Variants in IFITM2 observed in about 807,000 individuals in gnomAD.
IFITM2 encodes the protein interferon induced transmembrane protein 2.
Under a neutral mutation model 5.9 loss-of-function variants are expected in IFITM2, and 3 were observed. That is an observed-to-expected ratio of 0.51 (90% CI 0.23 to 1.32). The LOEUF is 1.32. Among genes scored for constraint, IFITM2 ranks in the 40% most tolerant of loss-of-function variants. IFITM2 has a pLI of 0.18. For synonymous variants in IFITM2, 76 were observed against 72.4 expected, an observed-to-expected ratio of 1.05 and a Z score of -0.25; for missense variants, 159 against 175.9, an observed-to-expected ratio of 0.90 and a Z score of 0.54.
intron 1 of IFITM2, chr11:308,746 A>G: frequency 2.8e-6 from 2 of 715,626 alleles, no homozygotes; most frequent in Non-Finnish European, 5.1e-6. Context: ...TTACACCTTC[A>G]CCTTCCAGAC....
At chr11:308,639 T>G (rs1484933627) in intron 1 of IFITM2, 1 of 900,336 alleles carries the variant, frequency 1.1e-6, no homozygotes. Flanking sequence ...CCAGTGCAGG[T>G]CTAGGAGGAG....
In IFITM2 at chr11:308,359, A is replaced by G. The variant is rs768427422; in HGVS notation, c.167A>G (p.His56Arg). 12 of 1,613,410 alleles carry G rather than the reference A, an allele frequency of 7.4e-6. No individual in the cohort carries two copies. The highest frequency in any genetic ancestry group is 1.1e-5 in the South Asian group (1 of 91,034). ...HIRSETSVPDHVVWSLFNTLF... is the reference protein window; with the variant it reads ...HIRSETSVPDRVVWSLFNTLF... ...CGCAGCGAGACCTCCGTGCCTGACC[A>G]TGTGGTCTGGTCCCTGTTCAACACC... is the stretch of plus-strand genomic sequence containing the variant. The change falls in exon 1 of 2, where the codon CAT (histidine) becomes CGT (arginine). Residue 56 changes from histidine (H) to arginine (R), a missense_variant. Transcript: ENST00000616316.
At position 308,263 on chromosome 11, in the gene IFITM2, A is replaced by T; in HGVS notation, c.71A>T (p.Glu24Val). Residue 24 changes from glutamate (E) to valine (V), a missense_variant, in exon 1 of 2, where the codon GAG becomes GTG. Coordinates refer to ENST00000616316, the MANE Select transcript of IFITM2 (RefSeq NM_006435.3). Reference sequence around the variant, plus strand: ...CCTCCCAACTACGAGATGCTCAAGGAGGAGCAGGAAGTGGCTATGCTGGGG... The same window carrying T: ...CCTCCCAACTACGAGATGCTCAAGGTGGAGCAGGAAGTGGCTATGCTGGGG... ...GQPPNYEMLKEEQEVAMLGVP... is the reference protein window; with the variant it reads ...GQPPNYEMLKVEQEVAMLGVP... 1 of 1,614,098 alleles carries T rather than the reference A, an allele frequency of 6.2e-7. No individual in the cohort carries two copies. The highest frequency in any genetic ancestry group is 8.5e-7 in the Non-Finnish European group (1 of 1,180,010).
intron 1 of IFITM2, 48 bp downstream of exon 1, chr11:308,486 G>C (rs770727857): frequency 1.9e-6 from 3 of 1,607,228 alleles, no homozygotes; most frequent in Non-Finnish European, 2.6e-6. Context: ...TGAGCCTGGG[G>C]CTCCACCTGC....
chr11:309,308 C>T lies in IFITM2; in HGVS notation c.*143C>T. 1 of 1,562,218 alleles carries T rather than the reference C, an allele frequency of 6.4e-7. No homozygotes were observed. Among genetic ancestry groups the T allele is most frequent in the East Asian group, 2.4e-5 (1 of 42,478 alleles). On this transcript the variant is annotated 3_prime_UTR_variant, in exon 2 of 2. Coordinates refer to ENST00000616316, the MANE Select transcript of IFITM2 (RefSeq NM_006435.3). ...ACTTACTCCACCTTCCATTCCTCGC[C>T]CTGTCCCCACAGCCGAGTCCTGCAT...
In IFITM2 at chr11:309,204, A is replaced by T; in HGVS notation, c.*39A>T. On this transcript the variant is annotated 3_prime_UTR_variant, in exon 2 of 2. Transcript: ENST00000616316. ...ATTGAGGCCAGGAGCTCTGCCCGTG[A>T]CCTGTATCCCACGTACTCTATCTTC... 1 of 1,613,890 alleles carries T rather than the reference A, an allele frequency of 6.2e-7. No homozygotes were observed. The highest frequency in any genetic ancestry group is 8.5e-7 in the Non-Finnish European group (1 of 1,179,928).
rs760478262 is a variant in IFITM2, at chr11:308,289, GT to G, written c.98del (p.Val33GlyfsTer12). ...GGAGCAGGAAGTGGCTATGCTGGGG[GT>G]GCCCCACAACCCTGCTCCCCCGATG... ...KEEQEVAMLGVPHNPAPPMST... is the reference protein window; with the variant it reads ...KEEQEVAMLGXPHNPAPPMST... On this transcript the variant is annotated frameshift_variant, in exon 1 of 2. Coordinates refer to ENST00000616316, the MANE Select transcript of IFITM2 (RefSeq NM_006435.3). LOFTEE classifies it high-confidence loss of function. The G allele has an allele frequency of 3.2e-5, 51 of 1,613,878 alleles. No homozygotes were observed. In the African/African-American group the frequency reaches 6.0e-4, roughly 19 times the overall value.
At position 309,039 on chromosome 11, in the gene IFITM2, C is replaced by T. The variant is rs531291011; in HGVS notation, c.273C>T (p.Asp91=). ...CTAGGGACAGGAAGATGGTTGGCGACGTGACCGGGGCCCAGGCCTATGCCT... is the reference window on the plus strand; with the variant it reads ...CTAGGGACAGGAAGATGGTTGGCGATGTGACCGGGGCCCAGGCCTATGCCT... ...VKSRDRKMVG[D]VTGAQAYAST... The change falls in exon 2 of 2, where the codon GAC becomes GAT. Residue 91 remains aspartate (D), a synonymous_variant. Transcript: ENST00000616316. The T allele has an allele frequency of 1.2e-5, 19 of 1,614,114 alleles. No individual in the cohort carries two copies. The South Asian group carries it at 1.4e-4, about 12-fold the overall frequency.
intron 1 of IFITM2, chr11:308,738 A>T: frequency 2.8e-6 from 2 of 715,552 alleles, no homozygotes; most frequent in Non-Finnish European, 5.1e-6. Flanking sequence ...GTAAGAAATT[A>T]CACCTTCACC....
chr11:308,762 C>G (rs1564848681), intron 1 of IFITM2: 1 of 718,440 alleles, frequency 1.4e-6, no homozygotes, highest in South Asian at 1.5e-5. Context: ...CAGACTGGCA[C>G]CCAGGCTCTC....
In IFITM2 at chr11:308,075, T is replaced by C. The variant is rs113928911; in HGVS notation, c.-118T>C. ...AATTTGTTCTGCCCTTATCTGGCCC[T>C]GGCCAGCTCTGCATTTGACAAATGC... On this transcript the variant is annotated 5_prime_UTR_variant, in exon 1 of 2. Coordinates refer to ENST00000616316, the MANE Select transcript of IFITM2 (RefSeq NM_006435.3). The C allele has an allele frequency of 1.9e-3, 2,670 of 1,387,092 alleles. 25 individuals are homozygous for C. In the African/African-American group the frequency reaches 0.024, roughly 12 times the overall value. 85.9% of individuals were successfully genotyped at this position (1,387,092 alleles called of 1,614,324 possible).
Position 309,185 on chromosome 11 carries a change from G to T in IFITM2, c.*20G>T. On this transcript the variant is annotated 3_prime_UTR_variant, in exon 2 of 2. Coordinates refer to ENST00000616316, the MANE Select transcript of IFITM2 (RefSeq NM_006435.3). ...CGATAGATCAGGAGGCATCATTGAGGCCAGGAGCTCTGCCCGTGACCTGTA... is the reference window on the plus strand; with the variant it reads ...CGATAGATCAGGAGGCATCATTGAGTCCAGGAGCTCTGCCCGTGACCTGTA... 1 of 1,614,086 alleles carries T rather than the reference G, an allele frequency of 6.2e-7. No homozygotes were observed. The highest frequency in any genetic ancestry group is 8.5e-7 in the Non-Finnish European group (1 of 1,179,992).
In IFITM2 at chr11:309,087, C is replaced by G. The variant is rs1347072366; in HGVS notation, c.321C>G (p.Ile107Met). The G allele has an allele frequency of 1.9e-6, 3 of 1,614,138 alleles. No individual in the cohort carries two copies. In the African/African-American group the frequency reaches 4.0e-5, roughly 22 times the overall value. The change falls in exon 2 of 2, where the codon ATC (isoleucine) becomes ATG (methionine). Residue 107 changes from isoleucine (I) to methionine (M), a missense_variant. Coordinates refer to ENST00000616316, the MANE Select transcript of IFITM2 (RefSeq NM_006435.3). ...AYASTAKCLN[I>M]WALILGIFMT... is the part of the protein sequence containing the mutation. ...CCTCCACCGCCAAGTGCCTGAACATCTGGGCCCTGATTTTGGGCATCTTCA... is the reference window on the plus strand; with the variant it reads ...CCTCCACCGCCAAGTGCCTGAACATGTGGGCCCTGATTTTGGGCATCTTCA...
Position 309,218 on chromosome 11 carries a change from T to C in IFITM2, c.*53T>C. 6.2e-7 allele frequency: 1 copy of C among 1,613,850 alleles called. No individual in the cohort carries two copies. The highest frequency in any genetic ancestry group is 8.5e-7 in the Non-Finnish European group (1 of 1,179,948). ...CTCTGCCCGTGACCTGTATCCCACG[T>C]ACTCTATCTTCCATTCCTCGCCCTG... On this transcript the variant is annotated 3_prime_UTR_variant, in exon 2 of 2. Coordinates refer to ENST00000616316, the MANE Select transcript of IFITM2 (RefSeq NM_006435.3).
At position 308,089 on chromosome 11, in the gene IFITM2, T is replaced by C. The variant is rs1845986078; in HGVS notation, c.-104T>C. On this transcript the variant is annotated 5_prime_UTR_variant, in exon 1 of 2. Coordinates refer to ENST00000616316, the MANE Select transcript of IFITM2 (RefSeq NM_006435.3). ...TTATCTGGCCCTGGCCAGCTCTGCA[T>C]TTGACAAATGCCAGGAAGAGGAAAC... is the stretch of plus-strand genomic sequence containing the variant. 3 of 1,488,358 alleles carry C rather than the reference T, an allele frequency of 2.0e-6. No individual in the cohort carries two copies. Among genetic ancestry groups the C allele is most frequent in the Non-Finnish European group, 2.8e-6 (3 of 1,087,250 alleles). 92.2% of individuals were successfully genotyped at this position (1,488,358 alleles called of 1,614,324 possible).
Position 309,150 on chromosome 11 carries a change from C to T in IFITM2, c.384C>T (p.Val128=), listed in dbSNP as rs369281868. 16 of 1,614,102 alleles carry T rather than the reference C, an allele frequency of 9.9e-6. No individual in the cohort carries two copies. The highest frequency in any genetic ancestry group is 1.3e-5 in the Non-Finnish European group (15 of 1,180,038). ...ILLIIIPVLV[V]QAQR ...TCATCATCATCCCAGTGTTGGTCGTCCAGGCCCAGCGATAGATCAGGAGGC... is the reference window on the plus strand; with the variant it reads ...TCATCATCATCCCAGTGTTGGTCGTTCAGGCCCAGCGATAGATCAGGAGGC... The change falls in exon 2 of 2, where the codon GTC becomes GTT. Residue 128 remains valine (V), a synonymous_variant. Coordinates refer to ENST00000616316, the MANE Select transcript of IFITM2 (RefSeq NM_006435.3).
rs543470336 is a variant in IFITM2 at position 307,928 on chromosome 11, G to T, written c.-265G>T. On this transcript the variant is annotated 5_prime_UTR_variant, in exon 1 of 2. Coordinates refer to ENST00000616316, the MANE Select transcript of IFITM2 (RefSeq NM_006435.3). Reference sequence around the variant, plus strand: ...TGTGGAGACTCCCAACACAGGGGAAGTCTCCAGGACCCCACACCACTAACA... The same window carrying T: ...TGTGGAGACTCCCAACACAGGGGAATTCTCCAGGACCCCACACCACTAACA... 38 of 328,488 alleles carry T rather than the reference G, an allele frequency of 1.2e-4. No individual in the cohort carries two copies. The African/African-American group carries it at 1.2e-3, about 11-fold the overall frequency. The allele number at this position is 328,488 out of a possible 1,614,324, so 20.3% of individuals were successfully genotyped here. A position where few individuals can be genotyped will look rare whatever the true frequency, so the allele number is the denominator to read the frequency against.
chr11:308,564 G>A, intron 1 of IFITM2, 126 bp downstream of exon 1: 2 of 1,408,758 alleles, frequency 1.4e-6, no homozygotes, highest in South Asian at 2.4e-5. Flanking sequence ...CGTCTGTCCT[G>A]TGTGTGCCCA....
chr11:308,388 T>G lies in IFITM2; in HGVS notation c.196T>G (p.Phe66Val). ...HVVWSLFNTL[F>V]MNTCCLGFIA... ...GGTCTGGTCCCTGTTCAACACCCTCTTCATGAACACCTGCTGCCTGGGCTT... is the reference window on the plus strand; with the variant it reads ...GGTCTGGTCCCTGTTCAACACCCTCGTCATGAACACCTGCTGCCTGGGCTT... Residue 66 changes from phenylalanine (F) to valine (V), a missense_variant, in exon 1 of 2, where the codon TTC becomes GTC. Transcript: ENST00000616316. 6.2e-7 allele frequency: 1 copy of G among 1,613,704 alleles called. No homozygotes were observed. Among genetic ancestry groups the G allele is most frequent in the Non-Finnish European group, 8.5e-7 (1 of 1,179,850 alleles).
Sources: gnomAD v4.1 joint callset for allele counts on GRCh38, gnomAD v4.1.1 for gene constraint, MANE v1.5 for transcripts, NCBI Gene and HGNC (gene_info 2026-07-23, HGNC 2026-07-21) for gene names.